The following OTOP1 variants were observed in gnomAD, a reference collection of about 807,000 sequenced individuals.
The protein encoded by OTOP1 is otopetrin 1, also known as proton channel OTOP1.
A neutral mutation model predicts 52.9 loss-of-function variants in OTOP1; 59 were observed. That is an observed-to-expected ratio of 1.12 (90% CI 0.91 to 1.39). The LOEUF is 1.39. Among genes scored for constraint, OTOP1 ranks in the 40% most tolerant of loss-of-function variants. The pLI is 0.00. For synonymous variants in OTOP1, 317 were observed against 337.7 expected (o/e 0.94, Z 0.67); for missense variants, 761 against 800.9 (o/e 0.95, Z 0.60).
intron 1 of OTOP1, among the ~76,000 whole-genome samples, chr4:4,221,569 G>C (rs1414850241): frequency 6.6e-6 from 1 of 152,140 alleles, no homozygotes; most frequent in African/African-American, 2.4e-5. Context: ...TGATTACTCT[G>C]TCCCCACCCC....
At chr4:4,223,964 G>C in intron 1 of OTOP1, among the ~76,000 whole-genome samples, 1 of 151,128 alleles carries the variant, frequency 6.6e-6, no homozygotes, top group East Asian at 2.0e-4. Context: ...GAGAGAGAGA[G>C]GGAAGAGGGA....
At chr4:4,201,160 G>A (rs1716777329) in intron 4 of OTOP1, among the ~76,000 whole-genome samples, 1 of 152,204 alleles carries the variant, frequency 6.6e-6, no homozygotes, top group Admixed American at 6.5e-5. Flanking sequence ...CAGGCGCAGT[G>A]GCTCATGCCT....
intron 1 of OTOP1, among the ~76,000 whole-genome samples, chr4:4,222,194 A>G (rs1717318057): frequency 6.6e-6 from 1 of 152,092 alleles, no homozygotes; most frequent in African/African-American, 2.4e-5. Flanking sequence ...TCACTGAATA[A>G]TACAATCTCC....
intron 4 of OTOP1, among the ~76,000 whole-genome samples, chr4:4,199,176 G>C (rs184215603): frequency 6.7e-6 from 1 of 149,992 alleles, no homozygotes; most frequent in Admixed American, 6.6e-5. Context: ...GCGACAGAGC[G>C]AGACTCAGTC....
intron 5 of OTOP1, among the ~76,000 whole-genome samples, chr4:4,195,263 C>T (rs1481122869): frequency 1.3e-5 from 2 of 152,366 alleles, no homozygotes; most frequent in East Asian, 3.9e-4. Context: ...TCTTTTGCCT[C>T]TGTGTCTTCA....
At position 4,192,312 on chromosome 4, in the gene OTOP1, G is replaced by A. The variant is rs1716530165; in HGVS notation, c.1669-3339C>T. ...CAGCCTCCCAGCCACCCCCACCCAA[G>A]GCACCAGACCACGGAACTTCTGCCC... is the stretch of plus-strand genomic sequence containing the variant. On this transcript the variant is annotated intron_variant, in intron 5 of 5. Coordinates refer to ENST00000296358, the MANE Select transcript of OTOP1 (RefSeq NM_177998.3). 3.3e-5 allele frequency among the ~76,000 whole-genome samples: 5 copies of A among 152,170 alleles called. No individual in the cohort carries two copies. The South Asian group carries it at 1.0e-3, about 32-fold the overall frequency.
At chr4:4,210,997 C>T (rs58260035) in intron 2 of OTOP1, among the ~76,000 whole-genome samples, 1,713 of 152,222 alleles carry the variant, frequency 0.011, 37 homozygotes, top group African/African-American at 0.039. Flanking sequence ...ACAACTCAGT[C>T]CATAACAGCT....
chr4:4,195,838 G>A (rs1233523523), intron 5 of OTOP1, among the ~76,000 whole-genome samples: 1 of 152,080 alleles, frequency 6.6e-6, no homozygotes, highest in Non-Finnish European at 1.5e-5. Context: ...ACCCATCTCA[G>A]CACTTGTCCT....
intron 1 of OTOP1, among the ~76,000 whole-genome samples, chr4:4,217,433 C>T (rs1049240584): frequency 1.3e-5 from 2 of 152,224 alleles, no homozygotes; most frequent in African/African-American, 4.8e-5. Flanking sequence ...ACCTTACTCC[C>T]AGCTAAGATG....
Position 4,190,399 on chromosome 4 carries a change from G to A in OTOP1, c.1669-1426C>T, listed in dbSNP as rs78888885. On this transcript the variant is annotated intron_variant, in intron 5 of 5. Coordinates refer to ENST00000296358, the MANE Select transcript of OTOP1 (RefSeq NM_177998.3). Reference sequence around the variant, plus strand: ...TGAGGCAGGAGAATCCCTTGAACCCGGGAGGCGAAGCTTGCAGTAAGCCAA... The same window carrying A: ...TGAGGCAGGAGAATCCCTTGAACCCAGGAGGCGAAGCTTGCAGTAAGCCAA... 7.2e-5 allele frequency among the ~76,000 whole-genome samples: 11 copies of A among 152,228 alleles called. No homozygotes were observed. In the South Asian group the frequency reaches 1.9e-3, roughly 26 times the overall value.
At chr4:4,202,721 G>GC in intron 3 of OTOP1, 143 bp from the exon 4 acceptor site, 2 of 1,048,354 alleles carry the variant, frequency 1.9e-6, no homozygotes, top group Non-Finnish European at 1.4e-6. Context: ...CTCTGGGTGG[G>GC]CCCCCTGCCT....
chr4:4,201,284 A>C (rs1019762978), intron 4 of OTOP1, among the ~76,000 whole-genome samples: 1 of 152,038 alleles, frequency 6.6e-6, no homozygotes, highest in East Asian at 1.9e-4. Context: ...AAAATTAGCC[A>C]GGTGTGGTGG....
chr4:4,206,213 A>G (rs1199491286), intron 2 of OTOP1, 83 bp from the exon 3 acceptor site: 25 of 1,169,398 alleles, frequency 2.1e-5, no homozygotes, highest in Non-Finnish European at 2.2e-5. Flanking sequence ...ATAAAACTCA[A>G]AGAAAATGTA....
chr4:4,209,721 C>A (rs191370234), intron 2 of OTOP1, among the ~76,000 whole-genome samples: 2 of 152,118 alleles, frequency 1.3e-5, no homozygotes, highest in Non-Finnish European at 2.9e-5. Context: ...AAGACCCACA[C>A]GGCCCAGAGA....
intron 4 of OTOP1, among the ~76,000 whole-genome samples, chr4:4,201,893 A>G (rs112542554): frequency 6.6e-6 from 1 of 152,146 alleles, no homozygotes; most frequent in East Asian, 1.9e-4. Flanking sequence ...TGTAAATGCT[A>G]AAGGATTTTA....
chr4:4,189,528 G>T (rs1374206869), intron 5 of OTOP1, among the ~76,000 whole-genome samples: 1 of 152,100 alleles, frequency 6.6e-6, no homozygotes, highest in African/African-American at 2.4e-5. Context: ...CAGCCTCTAG[G>T]ATGACCCTCA....
At chr4:4,200,465 ACT>A (rs1360024471) in intron 4 of OTOP1, among the ~76,000 whole-genome samples, 1 of 111,906 alleles carries the variant, frequency 8.9e-6, no homozygotes, top group Non-Finnish European at 1.9e-5. Flanking sequence ...GACGAGCGAG[ACT>A]CCGTCTAAAA....
chr4:4,190,061 G>T (rs1716469153), intron 5 of OTOP1, among the ~76,000 whole-genome samples: 1 of 152,212 alleles, frequency 6.6e-6, no homozygotes, highest in African/African-American at 2.4e-5. Context: ...ATAGCAATAA[G>T]TAACTGAGAC....
At chr4:4,222,341 G>A (rs1223464679) in intron 1 of OTOP1, among the ~76,000 whole-genome samples, 2 of 152,120 alleles carry the variant, frequency 1.3e-5, no homozygotes. Flanking sequence ...AGGATGGCCT[G>A]GAGCTGACAG....
Sources: gnomAD v4.1 joint callset for allele counts (sites outside exome capture counted in the v4.1 genomes callset) on GRCh38, gnomAD v4.1.1 for gene constraint, MANE v1.5 for transcripts, NCBI Gene and HGNC (gene_info 2026-07-23, HGNC 2026-07-21) for gene names.